Variants in A1CF observed in about 807,000 individuals in gnomAD.
A1CF encodes the protein APOBEC-1 stimulating protein.
A1CF carries 48 observed loss-of-function variants against 68.9 expected under a neutral mutation model. That is an observed-to-expected ratio of 0.70 (90% CI 0.55 to 0.89). A1CF has a LOEUF of 0.89. A1CF is among the 40% of genes least tolerant of loss of function. A1CF has a pLI of 0.00. For missense variants in A1CF, 653 were observed against 718.9 expected (o/e 0.91, Z 1.05); for synonymous variants, 272 against 260.4 (o/e 1.04, Z -0.43).
chr10:50,847,006 A>T (rs1840031086), intron 3 of A1CF, among the ~76,000 whole-genome samples: 1 of 152,136 alleles, frequency 6.6e-6, no homozygotes, highest in African/African-American at 2.4e-5. Context: ...GCTGTCCATT[A>T]CTCAGAAAGG....
At chr10:50,840,218 G>C (rs541989977) in intron 5 of A1CF, among the ~76,000 whole-genome samples, 14 of 151,242 alleles carry the variant, frequency 9.3e-5, no homozygotes, top group Non-Finnish European at 1.8e-4. Flanking sequence ...CTTTCAGAAG[G>C]GGATAAGATG....
chr10:50,861,834 A>C (rs1454532237), intron 2 of A1CF, among the ~76,000 whole-genome samples: 1 of 148,420 alleles, frequency 6.7e-6, no homozygotes, highest in Non-Finnish European at 1.5e-5. Flanking sequence ...TGATAGTAGC[A>C]ATAGTAATAT....
chr10:50,860,846 G>A (rs1194276573), intron 2 of A1CF, among the ~76,000 whole-genome samples: 1 of 152,154 alleles, frequency 6.6e-6, no homozygotes, highest in African/African-American at 2.4e-5. Flanking sequence ...CTGTAGGAGT[G>A]TGAGGCCCTG....
chr10:50,866,067 AT>A lies in A1CF; in HGVS notation c.-93-1988del, dbSNP rs376209537. On this transcript the variant is annotated intron_variant, in intron 1 of 12. Transcript: ENST00000373997. ...GAGACTTGCAGTCAATCAGAATTAA[AT>A]TTAATCTGAATTGAAAGTCCTAATA... Among the ~76,000 whole-genome samples the A allele has an allele frequency of 3.5e-4, 53 of 152,338 alleles. 2 individuals carry two copies. In the South Asian group the frequency reaches 9.9e-3, roughly 29 times the overall value.
intron 6 of A1CF, among the ~76,000 whole-genome samples, chr10:50,830,837 C>A (rs2132405673): frequency 6.6e-6 from 1 of 152,236 alleles, no homozygotes; most frequent in South Asian, 2.1e-4. Context: ...AAGCTGGGGT[C>A]ATCACACTAC....
At chr10:50,820,727 C>G in intron 7 of A1CF, 78 bp from the exon 8 acceptor site, 1 of 1,189,394 alleles carries the variant, frequency 8.4e-7, no homozygotes, top group Non-Finnish European at 1.2e-6. Context: ...CATCTAGCTG[C>G]AAAGAGTATT....
chr10:50,855,196 A>G (rs1344084101), intron 3 of A1CF, among the ~76,000 whole-genome samples: 2 of 152,068 alleles, frequency 1.3e-5, no homozygotes, highest in Middle Eastern at 3.4e-3. Flanking sequence ...CACATCATTA[A>G]TGCATTCTTG....
intron 3 of A1CF, among the ~76,000 whole-genome samples, chr10:50,848,803 G>T (rs1840109770): frequency 6.6e-6 from 1 of 151,918 alleles, no homozygotes; most frequent in Non-Finnish European, 1.5e-5. Flanking sequence ...GTTCCCTTGG[G>T]TCCTAGCCAA....
At chr10:50,821,782 C>A (rs536827843) in intron 7 of A1CF, among the ~76,000 whole-genome samples, 2 of 152,258 alleles carry the variant, frequency 1.3e-5, no homozygotes, top group South Asian at 4.1e-4. Flanking sequence ...GGTGATCTGC[C>A]TACCTCGGCC....
chr10:50,884,037 A>AC (rs1205280727), intron 1 of A1CF, among the ~76,000 whole-genome samples: 1 of 152,198 alleles, frequency 6.6e-6, no homozygotes, highest in Non-Finnish European at 1.5e-5. Flanking sequence ...TATCATTATT[A>AC]CTCAAAACAC....
chr10:50,884,791 T>C (rs1841931884), intron 1 of A1CF, among the ~76,000 whole-genome samples: 1 of 152,224 alleles, frequency 6.6e-6, no homozygotes. Context: ...TTAGGGGGTT[T>C]CTGGTAAAAA....
chr10:50,872,564 T>C (rs1434019299), intron 1 of A1CF, among the ~76,000 whole-genome samples: 1 of 152,112 alleles, frequency 6.6e-6, no homozygotes, highest in Non-Finnish European at 1.5e-5. Flanking sequence ...CTTAAAGTGT[T>C]GCTGTGAAGA....
chr10:50,849,786 CTTT>C (rs71949925), intron 3 of A1CF, among the ~76,000 whole-genome samples: 1 of 83,660 alleles, frequency 1.2e-5, no homozygotes, highest in Non-Finnish European at 2.1e-5. Flanking sequence ...TTAATGAATT[CTTT>C]TTTTTTTTTT....
intron 1 of A1CF, among the ~76,000 whole-genome samples, chr10:50,870,968 T>G (rs7077122): frequency 6.6e-6 from 1 of 151,632 alleles, no homozygotes; most frequent in African/African-American, 2.4e-5. Flanking sequence ...CATTTCACTG[T>G]TAAAAAGAAA....
rs1023099452 is a variant in A1CF, at chr10:50,799,914, A to C, written c.*6815T>G. On this transcript the variant is annotated 3_prime_UTR_variant, in exon 13 of 13. Transcript: ENST00000373997. ...TAAGAATAAAAATTCCAATGGTTAC[A>C]TTAAATATTTAAACCAGTGATAATG... is the stretch of plus-strand genomic sequence containing the variant. 6.6e-6 allele frequency: 1 copy of C among 152,160 alleles called. No individual in the cohort carries two copies. Among genetic ancestry groups the C allele is most frequent in the Non-Finnish European group, 1.5e-5 (1 of 67,980 alleles). The allele number at this position is 152,160 out of a possible 1,614,324, so 9.4% of individuals were successfully genotyped here. A position where few individuals can be genotyped will look rare whatever the true frequency, so the allele number is the denominator to read the frequency against.
intron 1 of A1CF, among the ~76,000 whole-genome samples, chr10:50,873,865 A>G (rs1421334213): frequency 2.0e-5 from 3 of 152,204 alleles, no homozygotes; most frequent in African/African-American, 7.2e-5. Flanking sequence ...AAGAAAAACT[A>G]TATCAGAGAA....
chr10:50,832,888 ATC>A (rs1839317860), intron 6 of A1CF, among the ~76,000 whole-genome samples: 2 of 151,868 alleles, frequency 1.3e-5, no homozygotes, highest in Non-Finnish European at 2.9e-5. Flanking sequence ...TATTTTTAGA[ATC>A]TCTCATGTCA....
intron 6 of A1CF, among the ~76,000 whole-genome samples, chr10:50,834,902 A>G (rs929325911): frequency 8.5e-5 from 13 of 152,170 alleles, no homozygotes; most frequent in Non-Finnish European, 1.5e-4. Flanking sequence ...AGACTTTTCA[A>G]TGGTACAGTT....
intron 1 of A1CF, among the ~76,000 whole-genome samples, chr10:50,869,485 C>T (rs939396779): frequency 1.3e-5 from 2 of 151,984 alleles, no homozygotes; most frequent in Non-Finnish European, 2.9e-5. Context: ...ACTAATGGAT[C>T]CAGTTATTTC....
Sources: allele counts gnomAD v4.1 joint callset (sites outside exome capture counted in the v4.1 genomes callset), GRCh38; gene constraint gnomAD v4.1.1; transcripts MANE v1.5; gene names NCBI Gene and HGNC (gene_info 2026-07-23, HGNC 2026-07-21).